FRMD6: variants seen among roughly 807,000 people sequenced by gnomAD.
FRMD6 encodes the protein FERM domain-containing protein 6.
Under a neutral mutation model 73.2 loss-of-function variants are expected in FRMD6, and 37 were observed. The ratio of observed to expected loss-of-function variants is 0.51; its 90% CI spans 0.39 to 0.66. The LOEUF (loss-of-function observed/expected upper bound fraction) is 0.66, where lower values mean the gene tolerates loss of function less well. Ranked by LOEUF, FRMD6 falls within the 30% of genes least tolerant of loss-of-function variation. The pLI, the probability that FRMD6 is intolerant of heterozygous loss-of-function variation, is 0.00. For synonymous variants in FRMD6, 273 were observed against 282.2 expected (o/e 0.97, Z 0.33); for missense variants, 714 against 780.5 (o/e 0.91, Z 1.02).
intron 11 of FRMD6, among the ~76,000 whole-genome samples, chr14:51,721,621 G>T (rs1315338117): frequency 9.2e-6 from 1 of 108,576 alleles, no homozygotes. Context: ...AAGAAATTGA[G>T]AAAGAAAGAG....
At position 51,729,011 on chromosome 14, in the gene FRMD6, A is replaced by G. The variant is rs1898129085; in HGVS notation, c.*982A>G. 6.6e-6 allele frequency: 1 copy of G among 152,210 alleles called. No homozygotes were observed. 9.4% of individuals were successfully genotyped at this position (152,210 alleles called of 1,614,324 possible). A position where few individuals can be genotyped will look rare whatever the true frequency, so the allele number is the denominator to read the frequency against. On this transcript the variant is annotated 3_prime_UTR_variant, in exon 14 of 14. Coordinates refer to ENST00000344768, the MANE Select transcript of FRMD6 (RefSeq NM_001267046.2). The stretch of plus-strand genomic sequence containing the variant: ...TTTGGCTTCCATGACTATCTTTTAT[A>G]CATGGAATTCCTTAAGATTGAGAAT...
At chr14:51,473,488 CTT>C in the FRMD6 span, among the ~76,000 whole-genome samples, 2 of 152,222 alleles carry the variant, frequency 1.3e-5, no homozygotes, top group Admixed American at 1.3e-4. Flanking sequence ...GAGCACGACT[CTT>C]TATGCTTCCA....
chr14:51,543,416 A>G (rs1004399131), intron 1 of FRMD6, among the ~76,000 whole-genome samples: 3 of 152,082 alleles, frequency 2.0e-5, no homozygotes, highest in African/African-American at 4.8e-5. Context: ...AATAAAAAAC[A>G]AAACTGCTAA....
chr14:51,412,089 A>G, the FRMD6 span, among the ~76,000 whole-genome samples: 122,111 of 152,068 alleles, frequency 0.8, 49,401 homozygotes, highest in East Asian at 0.91. Context: ...GGCACGTTAT[A>G]TAGTTTGATG....
chr14:51,611,684 C>G (rs1890509028), intron 2 of FRMD6, among the ~76,000 whole-genome samples: 1 of 152,228 alleles, frequency 6.6e-6, no homozygotes, highest in African/African-American at 2.4e-5. Flanking sequence ...GATGCGCATG[C>G]TGTCAGTCTG....
chr14:51,719,777 C>T (rs1387884034), intron 10 of FRMD6, among the ~76,000 whole-genome samples: 1 of 152,304 alleles, frequency 6.6e-6, no homozygotes, highest in Admixed American at 6.5e-5. Flanking sequence ...AATTTGCAGA[C>T]AAGAAGTGGT....
chr14:51,530,096 T>G (rs1885494126), intron 1 of FRMD6, among the ~76,000 whole-genome samples: 1 of 152,238 alleles, frequency 6.6e-6, no homozygotes, highest in Admixed American at 6.5e-5. Context: ...AATTACATTA[T>G]GTAAATGTTC....
intron 13 of FRMD6, 149 bp from the exon 14 acceptor site, chr14:51,727,596 C>A: frequency 1.5e-6 from 1 of 657,320 alleles, no homozygotes; most frequent in Non-Finnish European, 2.6e-6. Flanking sequence ...GATATATTTC[C>A]CCATACAGCC....
chr14:51,417,969 A>T, the FRMD6 span, among the ~76,000 whole-genome samples: 10 of 152,178 alleles, frequency 6.6e-5, no homozygotes, highest in Middle Eastern at 3.4e-3. Flanking sequence ...TGCATGTGTC[A>T]TGTAGTTCTT....
the FRMD6 span, among the ~76,000 whole-genome samples, chr14:51,415,153 T>C: frequency 6.6e-6 from 1 of 152,204 alleles, no homozygotes; most frequent in Non-Finnish European, 1.5e-5. Context: ...TTCTTTCTCT[T>C]GCCTGACTGC....
chr14:51,620,661 C>T (rs1890893006), intron 2 of FRMD6, among the ~76,000 whole-genome samples: 1 of 152,184 alleles, frequency 6.6e-6, no homozygotes. Flanking sequence ...TCCACTCCAC[C>T]AGCCTTTCTC....
At chr14:51,585,939 G>GTGTATATATA in intron 2 of FRMD6, among the ~76,000 whole-genome samples, 513 of 31,432 alleles carry the variant, frequency 0.016, 67 homozygotes, top group South Asian at 0.037. Context: ...GTGTGTGTGT[G>GTGTATATATA]TATATATATA....
At chr14:51,552,807 AG>A (rs1261880147) in intron 1 of FRMD6, among the ~76,000 whole-genome samples, 1 of 152,246 alleles carries the variant, frequency 6.6e-6, no homozygotes, top group African/African-American at 2.4e-5. Context: ...ATTGCCTAAA[AG>A]ACCCCAGTTA....
intron 2 of FRMD6, among the ~76,000 whole-genome samples, chr14:51,598,423 G>T (rs66670264): frequency 0.33 from 49,459 of 152,080 alleles, 9,100 homozygotes; most frequent in South Asian, 0.42. Flanking sequence ...TTAACTTTTA[G>T]TTTAGATTCA....
At chr14:51,655,029 A>G (rs1892719639) in intron 1 of FRMD6, among the ~76,000 whole-genome samples, 1 of 151,024 alleles carries the variant, frequency 6.6e-6, no homozygotes, top group African/African-American at 2.4e-5. Context: ...TGCAATTTCA[A>G]CTTTCTTCTT....
intron 1 of FRMD6, among the ~76,000 whole-genome samples, chr14:51,665,798 G>C (rs551151189): frequency 6.6e-6 from 1 of 152,132 alleles, no homozygotes; most frequent in African/African-American, 2.4e-5. Context: ...TGCTGTTCTC[G>C]TGATAATGAT....
chr14:51,670,458 G>A lies in FRMD6; in HGVS notation c.-147+18462G>A, dbSNP rs549418197. Among the ~76,000 whole-genome samples, 65 of 152,226 alleles carry A rather than the reference G, an allele frequency of 4.3e-4. No individual in the cohort carries two copies. The South Asian group carries it at 8.3e-3, about 19-fold the overall frequency. On this transcript the variant is annotated intron_variant, in intron 1 of 13. Coordinates refer to ENST00000344768, the MANE Select transcript of FRMD6 (RefSeq NM_001267046.2). ...AACTGTAGTCTGTTTTCAAAACCAGGAAATTGACATTGGTACAGTACTATT... is the reference window on the plus strand; with the variant it reads ...AACTGTAGTCTGTTTTCAAAACCAGAAAATTGACATTGGTACAGTACTATT...
At chr14:51,457,324 CTG>C in the FRMD6 span, among the ~76,000 whole-genome samples, 2 of 151,512 alleles carry the variant, frequency 1.3e-5, no homozygotes, top group Admixed American at 6.6e-5. Flanking sequence ...CAAATAAAAG[CTG>C]GAAATCATCA....
intron 2 of FRMD6, among the ~76,000 whole-genome samples, chr14:51,597,442 A>T (rs961552805): frequency 7.2e-5 from 11 of 152,168 alleles, no homozygotes; most frequent in African/African-American, 2.4e-4. Flanking sequence ...GAGGGACCAG[A>T]TGTGGAGGCT....
Sources: gnomAD v4.1 joint callset for allele counts (sites outside exome capture counted in the v4.1 genomes callset) on GRCh38, gnomAD v4.1.1 for gene constraint, MANE v1.5 for transcripts, NCBI Gene and HGNC (gene_info 2026-07-23, HGNC 2026-07-21) for gene names.